Variants in MAML2 observed in about 807,000 individuals in gnomAD.
The protein encoded by MAML2 is mastermind-like protein 2.
Under a neutral mutation model 96.1 loss-of-function variants are expected in MAML2, and 22 were observed. The ratio of observed to expected loss-of-function variants is 0.23; its 90% CI spans 0.16 to 0.33. The LOEUF is 0.33. MAML2 is among the 10% of genes least tolerant of loss of function. MAML2 has a pLI of 1.00. For synonymous variants in MAML2, 561 were observed against 521.3 expected, an observed-to-expected ratio of 1.08 and a Z score of -1.04; for missense variants, 1,367 against 1,392.4, an observed-to-expected ratio of 0.98 and a Z score of 0.29.
chr11:96,143,109 T>C (rs1167286585), intron 1 of MAML2, among the ~76,000 whole-genome samples: 1 of 152,228 alleles, frequency 6.6e-6, no homozygotes, highest in Non-Finnish European at 1.5e-5. Context: ...ATTGTCTCTC[T>C]TTTTTATTTC....
intron 1 of MAML2, among the ~76,000 whole-genome samples, chr11:96,158,959 G>A (rs932137584): frequency 7.6e-4 from 116 of 152,304 alleles, no homozygotes; most frequent in African/African-American, 2.8e-3. Context: ...CCGGAGTAGA[G>A]CCTTCTGTTT....
chr11:96,201,881 C>T (rs1278135965), intron 1 of MAML2, among the ~76,000 whole-genome samples: 10 of 149,228 alleles, frequency 6.7e-5, no homozygotes, highest in Admixed American at 1.3e-4. Context: ...ATCATGCCAC[C>T]ACACTCCAGC....
chr11:96,143,197 C>T (rs763957758), intron 1 of MAML2, among the ~76,000 whole-genome samples: 11 of 152,144 alleles, frequency 7.2e-5, no homozygotes, highest in African/African-American at 1.2e-4. Context: ...TGTTCACTGC[C>T]GTTTGCCAAT....
chr11:95,980,046 T>C, intron 4 of MAML2, 83 bp from the exon 5 acceptor site: 1 of 1,054,298 alleles, frequency 9.5e-7, no homozygotes, highest in Non-Finnish European at 1.4e-6. Context: ...CTCATCAATC[T>C]GAAACTGCTT....
At chr11:96,160,476 G>A (rs1470534698) in intron 1 of MAML2, among the ~76,000 whole-genome samples, 2 of 150,544 alleles carry the variant, frequency 1.3e-5, no homozygotes, top group Non-Finnish European at 3.0e-5. Flanking sequence ...CACCCAGGCT[G>A]GAGTGCAATG....
At chr11:96,052,528 A>G (rs1470065058) in intron 2 of MAML2, among the ~76,000 whole-genome samples, 5 of 152,166 alleles carry the variant, frequency 3.3e-5, no homozygotes, top group Non-Finnish European at 7.3e-5. Flanking sequence ...AGTTTTTAGT[A>G]AACATGGCCT....
At chr11:96,098,585 A>T (rs1312580063) in intron 1 of MAML2, among the ~76,000 whole-genome samples, 1 of 152,224 alleles carries the variant, frequency 6.6e-6, no homozygotes, top group Non-Finnish European at 1.5e-5. Flanking sequence ...GATGACACAG[A>T]AATCACTGTA....
intron 1 of MAML2, among the ~76,000 whole-genome samples, chr11:96,193,457 T>C (rs1452407866): frequency 2.0e-5 from 3 of 146,576 alleles, no homozygotes; most frequent in Non-Finnish European, 4.7e-5. Flanking sequence ...GTTTGATCAG[T>C]TTGCAATCTC....
chr11:96,285,537 A>C (rs2135988433), intron 1 of MAML2, among the ~76,000 whole-genome samples: 1 of 152,320 alleles, frequency 6.6e-6, no homozygotes, highest in South Asian at 2.1e-4. Context: ...GTGAATAGAC[A>C]ACCTACAGAA....
intron 3 of MAML2, among the ~76,000 whole-genome samples, chr11:95,989,295 T>C (rs1212188446): frequency 1.3e-5 from 2 of 152,004 alleles, no homozygotes; most frequent in Non-Finnish European, 2.9e-5. Flanking sequence ...ACACCCTCAA[T>C]GGTGTCCAAA....
chr11:96,048,106 C>A (rs1372594688), intron 2 of MAML2, among the ~76,000 whole-genome samples: 1 of 152,018 alleles, frequency 6.6e-6, no homozygotes, highest in Non-Finnish European at 1.5e-5. Flanking sequence ...CTATCTCCAT[C>A]CTCCATGCTC....
At chr11:96,074,509 C>A (rs1438980450) in intron 2 of MAML2, among the ~76,000 whole-genome samples, 1 of 152,172 alleles carries the variant, frequency 6.6e-6, no homozygotes, top group Non-Finnish European at 1.5e-5. Context: ...TCAATAGATT[C>A]TATTCTTGGA....
chr11:96,156,394 C>T (rs530436197), intron 1 of MAML2, among the ~76,000 whole-genome samples: 15 of 152,290 alleles, frequency 9.8e-5, no homozygotes, highest in South Asian at 2.1e-4. Flanking sequence ...GGCATCTCTG[C>T]GGGGAGTTGC....
chr11:96,279,474 G>A (rs1458720707), intron 1 of MAML2, among the ~76,000 whole-genome samples: 1 of 152,088 alleles, frequency 6.6e-6, no homozygotes, highest in African/African-American at 2.4e-5. Flanking sequence ...AGTATTTTAT[G>A]TCTTGTAAAT....
intron 1 of MAML2, among the ~76,000 whole-genome samples, chr11:96,107,437 AC>A (rs1860042545): frequency 6.6e-6 from 1 of 152,216 alleles, no homozygotes; most frequent in Admixed American, 6.5e-5. Context: ...TCAAAATGTG[AC>A]CAATAATAAA....
chr11:96,060,013 G>T (rs754751174), intron 2 of MAML2, among the ~76,000 whole-genome samples: 2 of 152,186 alleles, frequency 1.3e-5, no homozygotes, highest in Non-Finnish European at 2.9e-5. Flanking sequence ...AGGCGAAGAT[G>T]TTCAATAAGC....
At chr11:96,323,105 G>GT (rs1863728851) in intron 1 of MAML2, among the ~76,000 whole-genome samples, 1 of 110,706 alleles carries the variant, frequency 9.0e-6, no homozygotes, top group South Asian at 2.7e-4. Context: ...GAGGCTACTG[G>GT]TTTAAAAAAA....
At chr11:96,172,955 A>G (rs1303350173) in intron 1 of MAML2, among the ~76,000 whole-genome samples, 1 of 152,232 alleles carries the variant, frequency 6.6e-6, no homozygotes, top group Admixed American at 6.5e-5. Flanking sequence ...GTGCCTTTCA[A>G]ATGGGCATGC....
intron 1 of MAML2, among the ~76,000 whole-genome samples, chr11:96,304,105 G>A (rs537037190): frequency 3.9e-5 from 6 of 152,052 alleles, no homozygotes; most frequent in Non-Finnish European, 7.4e-5. Context: ...CCAGTCTCCC[G>A]TTAAATCTGT....
Sources: gnomAD v4.1 joint callset for allele counts (sites outside exome capture counted in the v4.1 genomes callset) on GRCh38, gnomAD v4.1.1 for gene constraint, MANE v1.5 for transcripts, NCBI Gene and HGNC (gene_info 2026-07-23, HGNC 2026-07-21) for gene names.